Variants in TRMT44 observed in about 807,000 individuals in gnomAD.
TRMT44 encodes the protein tRNA methyltransferase 44 homolog.
TRMT44 carries 78 observed loss-of-function variants against 77.3 expected under a neutral mutation model. The ratio of observed to expected loss-of-function variants is 1.01; its 90% CI spans 0.84 to 1.22. The LOEUF (loss-of-function observed/expected upper bound fraction) is 1.22, where lower values mean the gene tolerates loss of function less well. Among genes scored for constraint, TRMT44 ranks in the 50% most tolerant of loss-of-function variants. The pLI is 0.00. For synonymous variants in TRMT44, 391 were observed against 383.3 expected (o/e 1.02, Z -0.23); for missense variants, 1,090 against 964.4 (o/e 1.13, Z -1.73).
chr4:8,464,192 G>A, intron 7 of TRMT44, 101 bp downstream of exon 7: 1 of 838,270 alleles, frequency 1.2e-6, no homozygotes, highest in South Asian at 1.7e-5. Flanking sequence ...CAGTTGTCAA[G>A]CACTTGAAAT....
At chr4:8,503,345 T>C in the TRMT44 span, among the ~76,000 whole-genome samples, 2 of 152,200 alleles carry the variant, frequency 1.3e-5, no homozygotes, top group African/African-American at 4.8e-5. Context: ...GCTGCAGCAG[T>C]CGGACCGGCT....
rs754176871 is a variant in TRMT44 at position 8,449,809 on chromosome 4, G to A, written c.875G>A (p.Ser292Asn). ...GAGAACAAGAAGAGTGACTTTAAAAGCACCCTTTCCCTCATCTCCATTATG... is the reference window on the plus strand; with the variant it reads ...GAGAACAAGAAGAGTGACTTTAAAAACACCCTTTCCCTCATCTCCATTATG... ...SVENKKSDFKSTLSLISIMKY... is the reference protein window; with the variant it reads ...SVENKKSDFKNTLSLISIMKY... The change falls in exon 3 of 11, where the codon AGC (serine) becomes AAC (asparagine). Residue 292 changes from serine (S) to asparagine (N), a missense_variant. Coordinates refer to ENST00000389737, the MANE Select transcript of TRMT44 (RefSeq NM_152544.3). 10 of 1,535,902 alleles carry A rather than the reference G, an allele frequency of 6.5e-6. No individual in the cohort carries two copies. The highest frequency in any genetic ancestry group is 2.4e-5 in the South Asian group (2 of 84,040).
In TRMT44 at chr4:8,452,665, C is replaced by A. The variant is rs988235575; in HGVS notation, c.1024-217C>A. ...AGGAGAATTGCTTGAACCCAGGAGG[C>A]GGAGGTTGCAGTGACCAGAGATTGC... is the stretch of plus-strand genomic sequence containing the variant. On this transcript the variant is annotated intron_variant, in intron 4 of 10. Coordinates refer to ENST00000389737, the MANE Select transcript of TRMT44 (RefSeq NM_152544.3). This position sits in a 1 kb window ranked among gnomAD's most constrained non-coding sequence, Gnocchi z 5.7. Among the ~76,000 whole-genome samples the A allele has an allele frequency of 6.6e-6, 1 of 151,492 alleles. No individual in the cohort carries two copies. The highest frequency in any genetic ancestry group is 1.5e-5 in the Non-Finnish European group (1 of 67,968).
At chr4:8,449,915 T>A (rs1392639670) in intron 3 of TRMT44, 27 bp downstream of exon 3, 4 of 1,076,158 alleles carry the variant, frequency 3.7e-6, no homozygotes, top group Admixed American at 2.6e-5. Context: ...ATATCTGATT[T>A]TTCCCCCTTC....
intron 7 of TRMT44, 151 bp downstream of exon 7, chr4:8,464,242 G>A (rs770094775): frequency 1.5e-5 from 9 of 594,360 alleles, no homozygotes; most frequent in South Asian, 4.4e-5. Flanking sequence ...CTTATTGCCT[G>A]TATTGGGTTA....
intron 10 of TRMT44, 54 bp from the exon 11 acceptor site, chr4:8,475,718 T>G: frequency 6.4e-7 from 1 of 1,565,998 alleles, no homozygotes; most frequent in Non-Finnish European, 8.8e-7. Context: ...GGCTGGTGAA[T>G]TAAGGAACTT....
intron 6 of TRMT44, among the ~76,000 whole-genome samples, chr4:8,460,776 T>TC (rs1362136734): frequency 7.4e-4 from 112 of 152,302 alleles, no homozygotes; most frequent in Non-Finnish European, 1.3e-3. Context: ...CTGATCTGGC[T>TC]CTGGCCTCAA....
Position 8,476,312 on chromosome 4 carries a change from G to A in TRMT44, c.*311G>A. ...TGTCTCCTGGGGGAGAGCGGCTGAG[G>A]CTGCCTTGCACAGGCCCTTCCCAGG... On this transcript the variant is annotated 3_prime_UTR_variant, in exon 11 of 11. Transcript: ENST00000389737. 2.5e-6 allele frequency: 1 copy of A among 399,790 alleles called. No individual in the cohort carries two copies. Among genetic ancestry groups the A allele is most frequent in the Non-Finnish European group, 4.6e-6 (1 of 217,496 alleles). The allele number at this position is 399,790 out of a possible 1,614,324, so 24.8% of individuals were successfully genotyped here.
Position 8,446,583 on chromosome 4 carries a change from G to A in TRMT44, c.727G>A (p.Glu243Lys). 6.5e-7 allele frequency: 1 copy of A among 1,532,938 alleles called. No homozygotes were observed. Among genetic ancestry groups the A allele is most frequent in the Non-Finnish European group, 8.7e-7 (1 of 1,143,936 alleles). The allele number at this position is 1,532,938 out of a possible 1,614,324, so 95.0% of individuals were successfully genotyped here. A position where few individuals can be genotyped will look rare whatever the true frequency, so the allele number is the denominator to read the frequency against. Reference protein sequence around the residue: ...VYQIQLSHSKEEWFISVLIFC... With the variant: ...VYQIQLSHSKKEWFISVLIFC... The stretch of plus-strand genomic sequence containing the variant: ...TCAAATTCAGCTCAGTCATAGCAAA[G>A]AAGAATGGTAAGAGCTGGACAGTGG... The change falls in exon 2 of 11, where the codon GAA (glutamate) becomes AAA (lysine). Residue 243 changes from glutamate (E) to lysine (K), a missense_variant. Transcript: ENST00000389737. This position sits in a 1 kb window ranked among gnomAD's most constrained non-coding sequence, Gnocchi z 4.3.
intron 3 of TRMT44, among the ~76,000 whole-genome samples, chr4:8,450,179 A>G (rs1434383138): frequency 1.3e-5 from 2 of 151,600 alleles, no homozygotes; most frequent in African/African-American, 4.8e-5. Context: ...TGTTGCCCAG[A>G]CTGGTCTTGG....
chr4:8,455,404 C>T (rs1725741484), intron 6 of TRMT44, among the ~76,000 whole-genome samples: 2 of 152,204 alleles, frequency 1.3e-5, no homozygotes. Flanking sequence ...CGAGATGCCC[C>T]CTGGCGGGAT....
At chr4:8,487,981 T>C (rs1433198800) in intron 2 of TRMT44, among the ~76,000 whole-genome samples, 1 of 152,082 alleles carries the variant, frequency 6.6e-6, no homozygotes, top group Non-Finnish European at 1.5e-5. Flanking sequence ...GTCTCCTTTG[T>C]CTCTACCAGA....
intron 8 of TRMT44, among the ~76,000 whole-genome samples, chr4:8,466,623 TTC>T (rs1351633580): frequency 6.6e-6 from 1 of 152,254 alleles, no homozygotes; most frequent in Non-Finnish European, 1.5e-5. Flanking sequence ...AGTCTTGGTC[TTC>T]TGAGTTCAGA....
At chr4:8,490,450 C>G (rs1727962391) in intron 2 of TRMT44, among the ~76,000 whole-genome samples, 1 of 152,044 alleles carries the variant, frequency 6.6e-6, no homozygotes, top group African/African-American at 2.4e-5. Context: ...GTGAGTGTTA[C>G]AGCTCTTAAG....
chr4:8,455,412 G>T (rs1725742446), intron 6 of TRMT44, among the ~76,000 whole-genome samples: 1 of 152,254 alleles, frequency 6.6e-6, no homozygotes, highest in Non-Finnish European at 1.5e-5. Flanking sequence ...CCCCTGGCGG[G>T]ATCACCTCCG....
chr4:8,461,217 A>G lies in TRMT44; in HGVS notation c.1204-2768A>G, dbSNP rs778257046. Among the ~76,000 whole-genome samples the G allele has an allele frequency of 3.3e-5, 5 of 151,998 alleles. No individual in the cohort carries two copies. Among genetic ancestry groups the G allele is most frequent in the Non-Finnish European group, 7.4e-5 (5 of 68,026 alleles). On this transcript the variant is annotated intron_variant, in intron 6 of 10. Coordinates refer to ENST00000389737, the MANE Select transcript of TRMT44 (RefSeq NM_152544.3). The surrounding 1 kb of genome is among the most constrained non-coding windows in gnomAD (Gnocchi z 4.6). ...TACAGTGATTGGCAGTTGCTTGTCCACTCATACATTACATTAGGAAATGTT... is the reference window on the plus strand; with the variant it reads ...TACAGTGATTGGCAGTTGCTTGTCCGCTCATACATTACATTAGGAAATGTT...
At chr4:8,455,367 G>A (rs539480083) in intron 6 of TRMT44, among the ~76,000 whole-genome samples, 4 of 152,340 alleles carry the variant, frequency 2.6e-5, no homozygotes, top group African/African-American at 9.6e-5. Flanking sequence ...TGAGCAAGTG[G>A]AGGCAGCCAG....
At chr4:8,486,154 G>A (rs968317707) in intron 2 of TRMT44, among the ~76,000 whole-genome samples, 15 of 152,304 alleles carry the variant, frequency 9.8e-5, no homozygotes, top group African/African-American at 2.9e-4. Flanking sequence ...AGTTTCCAGT[G>A]GGGTCCCGCA....
At chr4:8,475,326 T>A (rs1727302292) in intron 10 of TRMT44, among the ~76,000 whole-genome samples, 1 of 152,150 alleles carries the variant, frequency 6.6e-6, no homozygotes, top group South Asian at 2.1e-4. Flanking sequence ...AAGTGATCCT[T>A]CTAAAATGGT....
Sources: gnomAD v4.1 joint callset for allele counts (sites outside exome capture counted in the v4.1 genomes callset) on GRCh38, gnomAD v4.1.1 for gene constraint, Gnocchi (gnomAD v3.1) non-coding constraint, MANE v1.5 for transcripts, NCBI Gene and HGNC (gene_info 2026-07-23, HGNC 2026-07-21) for gene names.